Variants in SERGEF observed in about 807,000 individuals in gnomAD.
SERGEF encodes the protein secretion-regulating guanine nucleotide exchange factor.
In SERGEF, 51 loss-of-function variants were observed where a neutral mutation model predicts 50.0. The observed-to-expected ratio is 1.02, with a 90% CI of 0.81 to 1.29. The LOEUF is 1.29. SERGEF is among the 50% of genes most tolerant of loss of function. SERGEF has a pLI of 0.00. For missense variants in SERGEF, 521 were observed against 557.0 expected, an observed-to-expected ratio of 0.94 and a Z score of 0.65; for synonymous variants, 205 against 212.4, an observed-to-expected ratio of 0.97 and a Z score of 0.30.
intron 10 of SERGEF, among the ~76,000 whole-genome samples, chr11:17,864,815 C>T (rs1342028155): frequency 6.6e-6 from 1 of 152,194 alleles, no homozygotes; most frequent in Admixed American, 6.5e-5. Context: ...ACAAGCTAAA[C>T]TTGAGTGCTA....
intron 8 of SERGEF, among the ~76,000 whole-genome samples, chr11:17,977,021 G>A (rs1565220871): frequency 6.6e-6 from 1 of 152,226 alleles, no homozygotes; most frequent in Non-Finnish European, 1.5e-5. Flanking sequence ...GGTAGGAAGA[G>A]GGCAGGGCCA....
chr11:17,818,914 C>T (rs1164278147), intron 10 of SERGEF, among the ~76,000 whole-genome samples: 3 of 152,214 alleles, frequency 2.0e-5, no homozygotes, highest in Non-Finnish European at 4.4e-5. Flanking sequence ...ACTTGCAAGG[C>T]CCTCTCTCCA....
At chr11:17,986,562 G>C (rs534065721) in intron 8 of SERGEF, among the ~76,000 whole-genome samples, 1 of 152,224 alleles carries the variant, frequency 6.6e-6, no homozygotes, top group Non-Finnish European at 1.5e-5. Context: ...CCCACCCCAA[G>C]GGCTGGGCTG....
At chr11:17,960,293 C>G (rs187524129) in intron 8 of SERGEF, among the ~76,000 whole-genome samples, 70 of 152,182 alleles carry the variant, frequency 4.6e-4, no homozygotes, top group Non-Finnish European at 8.1e-4. Flanking sequence ...TTTAGTCCCC[C>G]AGATGCACCA....
chr11:17,852,857 C>A (rs1205161806), intron 10 of SERGEF, among the ~76,000 whole-genome samples: 2 of 152,096 alleles, frequency 1.3e-5, no homozygotes, highest in African/African-American at 4.8e-5. Flanking sequence ...GGATAAGAAC[C>A]CAGGTCTCCT....
At chr11:17,811,178 T>G (rs1156812467) in intron 10 of SERGEF, among the ~76,000 whole-genome samples, 1 of 152,190 alleles carries the variant, frequency 6.6e-6, no homozygotes. Context: ...ATAGGGAACT[T>G]GAGGTCTTGG....
At chr11:17,823,384 C>T (rs1850118221) in intron 10 of SERGEF, among the ~76,000 whole-genome samples, 1 of 152,214 alleles carries the variant, frequency 6.6e-6, no homozygotes. Flanking sequence ...GGCTATTCCT[C>T]ACTCATCCCC....
intron 10 of SERGEF, among the ~76,000 whole-genome samples, chr11:17,833,376 A>G (rs1462807947): frequency 6.6e-6 from 1 of 152,242 alleles, no homozygotes; most frequent in African/African-American, 2.4e-5. Context: ...AAGTGTATAG[A>G]AAAGCCTGGA....
At chr11:17,910,141 G>C (rs958876942) in intron 9 of SERGEF, among the ~76,000 whole-genome samples, 2 of 151,504 alleles carry the variant, frequency 1.3e-5, no homozygotes, top group African/African-American at 4.9e-5. Context: ...GGTGAATTCA[G>C]AGGAACAGAC....
chr11:17,846,728 A>G, intron 10 of SERGEF: 1 of 456,262 alleles, frequency 2.2e-6, no homozygotes, highest in South Asian at 1.5e-5. Context: ...CACATCAGCA[A>G]AACTGGGATA....
chr11:17,945,980 A>G (rs933984073), intron 9 of SERGEF, among the ~76,000 whole-genome samples: 5 of 152,218 alleles, frequency 3.3e-5, no homozygotes, highest in Admixed American at 2.6e-4. Context: ...CTCCACCTCA[A>G]AAAAACAAAA....
intron 10 of SERGEF, among the ~76,000 whole-genome samples, chr11:17,826,803 T>C (rs2133849599): frequency 6.6e-6 from 1 of 152,334 alleles, no homozygotes; most frequent in African/African-American, 2.4e-5. Flanking sequence ...AATTTAAGTG[T>C]TCTGAAGGAA....
intron 9 of SERGEF, among the ~76,000 whole-genome samples, chr11:17,912,277 G>A (rs1851969374): frequency 6.6e-6 from 1 of 152,144 alleles, no homozygotes; most frequent in Non-Finnish European, 1.5e-5. Flanking sequence ...GAAAAGTCAA[G>A]GATAATGATG....
intron 10 of SERGEF, among the ~76,000 whole-genome samples, chr11:17,799,404 G>GA (rs2133824237): frequency 6.6e-6 from 1 of 152,318 alleles, no homozygotes; most frequent in South Asian, 2.1e-4. Flanking sequence ...TGGTGGTTTA[G>GA]ACCTGGCTGG....
rs1565181329 is a variant in SERGEF at position 17,837,400 on chromosome 11, C to T, written c.1048+40808G>A. ...ATGTTTGGGTAAAGGGGGACAGATC[C>T]CTAACGAATAGTTGGATGCCCTCTG... On this transcript the variant is annotated intron_variant, in intron 10 of 10. Coordinates refer to ENST00000265965, the MANE Select transcript of SERGEF (RefSeq NM_012139.4). Among the ~76,000 whole-genome samples, 6 of 151,688 alleles carry T rather than the reference C, an allele frequency of 4.0e-5. No individual in the cohort carries two copies. In the South Asian group the frequency reaches 1.0e-3, roughly 26 times the overall value.
intron 10 of SERGEF, among the ~76,000 whole-genome samples, chr11:17,840,924 CAT>C (rs1265341176): frequency 6.6e-6 from 1 of 152,210 alleles, no homozygotes; most frequent in Non-Finnish European, 1.5e-5. Flanking sequence ...TAAAAGCACA[CAT>C]GTCAAACACA....
chr11:17,920,579 C>T (rs1047673689), intron 9 of SERGEF, among the ~76,000 whole-genome samples: 4 of 152,160 alleles, frequency 2.6e-5, no homozygotes, highest in African/African-American at 7.2e-5. Context: ...ACACAGTTGT[C>T]AATCAGTGAT....
intron 10 of SERGEF, among the ~76,000 whole-genome samples, chr11:17,832,137 T>C (rs1214863070): frequency 4.6e-5 from 7 of 152,210 alleles, no homozygotes; most frequent in Non-Finnish European, 1.0e-4. Flanking sequence ...GATGGCGATA[T>C]GGTTTGGCTG....
intron 9 of SERGEF, among the ~76,000 whole-genome samples, chr11:17,915,431 C>G (rs1852031565): frequency 6.6e-6 from 1 of 152,152 alleles, no homozygotes; most frequent in Non-Finnish European, 1.5e-5. Context: ...CTAACTGGCC[C>G]AAGGTCACAG....
Sources: allele counts gnomAD v4.1 joint callset (sites outside exome capture counted in the v4.1 genomes callset), GRCh38; gene constraint gnomAD v4.1.1; transcripts MANE v1.5; gene names NCBI Gene and HGNC (gene_info 2026-07-23, HGNC 2026-07-21).